Variants in MALRD1 observed in about 807,000 individuals in gnomAD.
MALRD1 encodes the protein MAM and LDL receptor class A domain containing 1.
A neutral mutation model predicts 242.1 loss-of-function variants in MALRD1; 247 were observed. The ratio of observed to expected loss-of-function variants is 1.02; its 90% CI spans 0.92 to 1.13. The LOEUF is 1.13. MALRD1 is among the 50% of genes most tolerant of loss of function. The pLI, the probability that MALRD1 is intolerant of heterozygous loss-of-function variation, is 0.00. For synonymous variants in MALRD1, 995 were observed against 866.6 expected, an observed-to-expected ratio of 1.15 and a Z score of -2.60; for missense variants, 2,989 against 2,533.1, an observed-to-expected ratio of 1.18 and a Z score of -3.86.
At chr10:19,662,145 T>C (rs548934120) in intron 36 of MALRD1, among the ~76,000 whole-genome samples, 13 of 152,172 alleles carry the variant, frequency 8.5e-5, no homozygotes, top group African/African-American at 3.1e-4. Context: ...AGAAAAAAAA[T>C]AATTGAATAA....
At chr10:19,483,586 A>G (rs1267471665) in intron 29 of MALRD1, among the ~76,000 whole-genome samples, 2 of 152,196 alleles carry the variant, frequency 1.3e-5, no homozygotes, top group African/African-American at 2.4e-5. Flanking sequence ...TAAAGCCACA[A>G]TGAGATACCA....
intron 36 of MALRD1, among the ~76,000 whole-genome samples, chr10:19,665,274 G>A (rs1010956358): frequency 2.6e-5 from 4 of 151,968 alleles, no homozygotes; most frequent in African/African-American, 4.8e-5. Flanking sequence ...CAAACAAAAC[G>A]GATTTTGAGC....
chr10:19,520,226 C>T (rs1833819628), intron 31 of MALRD1, among the ~76,000 whole-genome samples: 1 of 151,972 alleles, frequency 6.6e-6, no homozygotes, highest in African/African-American at 2.4e-5. Context: ...TTTGTAACCA[C>T]TGTCCTTTAA....
chr10:19,397,950 A>G (rs10763982), intron 28 of MALRD1, among the ~76,000 whole-genome samples: 128,377 of 151,624 alleles, frequency 0.85, 54,611 homozygotes, highest in Non-Finnish European at 0.87. Flanking sequence ...GGCCATGTAT[A>G]TGCTCTCATT....
Position 19,192,896 on chromosome 10 carries a change from G to T in MALRD1, c.1952-10832G>T, listed in dbSNP as rs186238858. The stretch of plus-strand genomic sequence containing the variant: ...GGTTTCTATTGCATCTATTAAAGAG[G>T]TCTAATAATTATTCTTTGAAGGTGA... On this transcript the variant is annotated intron_variant, in intron 14 of 39. Coordinates refer to ENST00000454679, the MANE Select transcript of MALRD1 (RefSeq NM_001142308.3). Among the ~76,000 whole-genome samples, 450 of 152,160 alleles carry T rather than the reference G, an allele frequency of 3.0e-3. 1 individual carries two copies. The highest frequency in any genetic ancestry group is 0.01 in the African/African-American group (423 of 41,534).
chr10:19,281,289 T>C (rs11009274), intron 20 of MALRD1, among the ~76,000 whole-genome samples: 1,663 of 152,274 alleles, frequency 0.011, 41 homozygotes, highest in African/African-American at 0.038. Flanking sequence ...GACTTGCTCA[T>C]CGGAAGGCAT....
intron 2 of MALRD1, among the ~76,000 whole-genome samples, chr10:19,087,583 A>G (rs1336499471): frequency 6.7e-6 from 1 of 150,298 alleles, no homozygotes; most frequent in Non-Finnish European, 1.5e-5. Flanking sequence ...TACACAGTAG[A>G]TGTGTATATC....
At chr10:19,291,432 A>G (rs990333315) in intron 21 of MALRD1, 2 of 151,842 alleles carry the variant, frequency 1.3e-5, no homozygotes, top group Admixed American at 6.6e-5. Context: ...CTGTAATCCC[A>G]TTGAGAGGGG....
chr10:19,228,224 G>A (rs971176370), intron 18 of MALRD1, among the ~76,000 whole-genome samples: 2 of 152,052 alleles, frequency 1.3e-5, no homozygotes, highest in African/African-American at 4.8e-5. Context: ...CAATAAAAAG[G>A]AGCAAACTGA....
At chr10:19,488,268 C>A (rs116782684) in intron 29 of MALRD1, among the ~76,000 whole-genome samples, 3 of 151,990 alleles carry the variant, frequency 2.0e-5, no homozygotes, top group East Asian at 1.9e-4. Context: ...ATTATGATAA[C>A]CAAGGTTTAT....
At chr10:19,597,969 G>C (rs1193849396) in intron 34 of MALRD1, among the ~76,000 whole-genome samples, 1 of 152,182 alleles carries the variant, frequency 6.6e-6, no homozygotes, top group Admixed American at 6.6e-5. Flanking sequence ...TGTGTTGCTA[G>C]AGCAGAGCCT....
intron 31 of MALRD1, among the ~76,000 whole-genome samples, chr10:19,507,359 A>C (rs973696078): frequency 5.9e-5 from 9 of 152,124 alleles, no homozygotes; most frequent in Admixed American, 3.9e-4. Flanking sequence ...AAAATTTTCA[A>C]AATAAAGGCG....
At chr10:19,127,495 T>C (rs559300014) in intron 7 of MALRD1, among the ~76,000 whole-genome samples, 1 of 152,300 alleles carries the variant, frequency 6.6e-6, no homozygotes, top group East Asian at 1.9e-4. Context: ...GACTTCTTTT[T>C]AAATAAACAT....
chr10:19,523,662 A>C (rs1833972865), intron 31 of MALRD1, among the ~76,000 whole-genome samples: 1 of 152,168 alleles, frequency 6.6e-6, no homozygotes, highest in Admixed American at 6.5e-5. Flanking sequence ...TCTAGCTGTA[A>C]CTTATAGGAA....
chr10:19,259,574 A>G (rs1465631492), intron 19 of MALRD1, among the ~76,000 whole-genome samples: 1 of 152,136 alleles, frequency 6.6e-6, no homozygotes, highest in Non-Finnish European at 1.5e-5. Context: ...ACAGTGTAGG[A>G]AAGACCCGCC....
At chr10:19,680,006 C>G (rs1277588951) in intron 36 of MALRD1, among the ~76,000 whole-genome samples, 2 of 152,094 alleles carry the variant, frequency 1.3e-5, no homozygotes, top group Non-Finnish European at 2.9e-5. Context: ...GTGCTGTTGT[C>G]TGAGAGACTG....
chr10:19,221,752 T>G (rs1837562492), intron 18 of MALRD1, among the ~76,000 whole-genome samples: 1 of 152,012 alleles, frequency 6.6e-6, no homozygotes, highest in Non-Finnish European at 1.5e-5. Flanking sequence ...CCCTCCAAAA[T>G]TACAGTAGAA....
intron 10 of MALRD1, among the ~76,000 whole-genome samples, chr10:19,144,107 T>G (rs1019271074): frequency 6.6e-6 from 1 of 152,218 alleles, no homozygotes; most frequent in Non-Finnish European, 1.5e-5. Context: ...GTGCAACATG[T>G]TTTTATTATT....
chr10:19,203,929 T>C (rs1441615749), intron 15 of MALRD1, 49 bp downstream of exon 15: 1 of 1,545,352 alleles, frequency 6.5e-7, no homozygotes. Context: ...ACTGTTTAGT[T>C]AGACTTCAGA....
Sources: allele counts gnomAD v4.1 joint callset (sites outside exome capture counted in the v4.1 genomes callset), GRCh38; gene constraint gnomAD v4.1.1; transcripts MANE v1.5; gene names NCBI Gene and HGNC (gene_info 2026-07-23, HGNC 2026-07-21).